The following KLF13 variants were observed in gnomAD, a reference collection of about 807,000 sequenced individuals.
The protein encoded by KLF13 is Krueppel-like factor 13.
A neutral mutation model predicts 16.7 loss-of-function variants in KLF13; 8 were observed. That is an observed-to-expected ratio of 0.48 (90% CI 0.28 to 0.87). The LOEUF is 0.87. Among genes scored for constraint, KLF13 ranks in the 40% least tolerant of loss-of-function variants. The pLI, the probability that KLF13 is intolerant of heterozygous loss-of-function variation, is 0.10. For missense variants in KLF13, 447 were observed against 452.2 expected (o/e 0.99, Z 0.10); for synonymous variants, 245 against 208.4 (o/e 1.18, Z -1.51).
chr15:31,391,850 C>T (rs2039875898), upstream of KLF13, among the ~76,000 whole-genome samples: 1 of 152,096 alleles, frequency 6.6e-6, no homozygotes, highest in East Asian at 1.9e-4. Context: ...GCTTCCCAGG[C>T]TCTAGTAAGT....
chr15:31,393,589 C>T (rs1304879352), exon 2 of KLF13: 1 of 152,410 alleles, frequency 6.6e-6, no homozygotes, highest in African/African-American at 2.4e-5. Flanking sequence ...TCAACCCCCG[C>T]TGTGCTCTGC....
Position 31,327,754 on chromosome 15 carries a change from C to G in KLF13, c.542C>G (p.Ser181Cys). The G allele has an allele frequency of 6.5e-7, 1 of 1,533,678 alleles. No individual in the cohort carries two copies. Among genetic ancestry groups the G allele is most frequent in the Non-Finnish European group, 8.8e-7 (1 of 1,135,844 alleles). Reference sequence around the variant, plus strand: ...GGCTGCGAGAAAGTTTACGGGAAATCTTCGCACCTCAAGGCGCACCTGAGA... The same window carrying G: ...GGCTGCGAGAAAGTTTACGGGAAATGTTCGCACCTCAAGGCGCACCTGAGA... ...YAGCEKVYGK[S>C]SHLKAHLRTH... Residue 181 changes from serine to cysteine, a missense_variant, in exon 1 of 2, where the codon TCT (serine) becomes TGT (cysteine). Ser to Cys is a moderately radical substitution (Grantham distance 112). Coordinates refer to ENST00000307145, the MANE Select transcript of KLF13 (RefSeq NM_015995.4).
intron 1 of KLF13, among the ~76,000 whole-genome samples, chr15:31,333,951 AT>A (rs2140932470): frequency 7.2e-6 from 1 of 138,710 alleles, no homozygotes; most frequent in South Asian, 2.3e-4. Flanking sequence ...CCATCGCCTC[AT>A]GGGGGGGGGA....
At chr15:31,389,040 T>G (rs2039829433), upstream of KLF13, among the ~76,000 whole-genome samples, 1 of 152,196 alleles carries the variant, frequency 6.6e-6, no homozygotes, top group African/African-American at 2.4e-5. Context: ...AACATGGGTT[T>G]GAACTGCGTG....
chr15:31,389,873 A>C (rs568208289), upstream of KLF13, among the ~76,000 whole-genome samples: 1 of 152,102 alleles, frequency 6.6e-6, no homozygotes, highest in Non-Finnish European at 1.5e-5. Flanking sequence ...AAAGTCATCA[A>C]CACCACCACC....
chr15:31,333,206 A>G (rs1447213317), intron 1 of KLF13, among the ~76,000 whole-genome samples: 2 of 152,190 alleles, frequency 1.3e-5, no homozygotes, highest in African/African-American at 2.4e-5. Flanking sequence ...TATTAATACT[A>G]AATTTCAAAT....
At chr15:31,387,990 G>T (rs2039812561), upstream of KLF13, among the ~76,000 whole-genome samples, 1 of 152,238 alleles carries the variant, frequency 6.6e-6, no homozygotes. Context: ...TTCAGCCGGA[G>T]AGGAGACAGG....
At position 31,327,648 on chromosome 15, in the gene KLF13, G is replaced by C; in HGVS notation, c.436G>C (p.Gly146Arg). Residue 146 changes from glycine (G) to arginine (R), a missense_variant, in exon 1 of 2, where the codon GGC (glycine) becomes CGC (arginine). This residue lies in a region of KLF13 where 359 missense variants were observed against 282.8 expected (regional missense o/e 1.27). Transcript: ENST00000307145. ...EPGPAGSGEPGLRQRVRRGRS... is the reference protein window; with the variant it reads ...EPGPAGSGEPRLRQRVRRGRS... Reference sequence around the variant, plus strand: ...GGGGCCCGCGGGGAGCGGCGAGCCCGGCCTCAGACAAAGGGTCCGGCGGGG... The same window carrying C: ...GGGGCCCGCGGGGAGCGGCGAGCCCCGCCTCAGACAAAGGGTCCGGCGGGG... 6.9e-7 allele frequency: 1 copy of C among 1,443,456 alleles called. No individual in the cohort carries two copies. Among genetic ancestry groups the C allele is most frequent in the South Asian group, 1.3e-5 (1 of 76,742 alleles). The allele number at this position is 1,443,456 out of a possible 1,614,324, so 89.4% of individuals were successfully genotyped here. A position where few individuals can be genotyped will look rare whatever the true frequency, so the allele number is the denominator to read the frequency against.
chr15:31,400,229 G>T (rs141032593), intron 2 of KLF13, among the ~76,000 whole-genome samples: 39 of 152,320 alleles, frequency 2.6e-4, no homozygotes, highest in Middle Eastern at 6.8e-3. Flanking sequence ...TCCACGGAGC[G>T]AGAGCGGTGA....
At chr15:31,355,645 AGGCACCCT>A (rs2039288299) in intron 1 of KLF13, among the ~76,000 whole-genome samples, 1 of 152,160 alleles carries the variant, frequency 6.6e-6, no homozygotes, top group Non-Finnish European at 1.5e-5. Flanking sequence ...GAGCGCCTGC[AGGCACCCT>A]TCTCCCACCC....
chr15:31,410,689 T>C (rs1199858546), intron 1 of KLF13, among the ~76,000 whole-genome samples: 38 of 151,544 alleles, frequency 2.5e-4, no homozygotes, highest in Admixed American at 2.5e-3. Context: ...GAGGACATAA[T>C]GTAATAATGA....
chr15:31,333,119 GC>G (rs2038861805), intron 1 of KLF13, among the ~76,000 whole-genome samples: 1 of 151,352 alleles, frequency 6.6e-6, no homozygotes, highest in Non-Finnish European at 1.5e-5. Flanking sequence ...TGCTCTAGGG[GC>G]CAGGCATCAT....
chr15:31,332,927 A>G (rs2038857468), intron 1 of KLF13, among the ~76,000 whole-genome samples: 1 of 152,200 alleles, frequency 6.6e-6, no homozygotes, highest in Admixed American at 6.5e-5. Flanking sequence ...CTCCGCAGCA[A>G]TCCCTGAGGT....
intron 1 of KLF13, among the ~76,000 whole-genome samples, chr15:31,334,052 C>T (rs951596960): frequency 6.6e-6 from 1 of 152,168 alleles, no homozygotes; most frequent in Non-Finnish European, 1.5e-5. Context: ...TGGTTGGTTT[C>T]TACTCCATCT....
At chr15:31,424,703 A>C (rs1284707544) in intron 1 of KLF13, among the ~76,000 whole-genome samples, 1 of 152,176 alleles carries the variant, frequency 6.6e-6, no homozygotes, top group African/African-American at 2.4e-5. Context: ...TTTATCTCTA[A>C]GGTTAGGGAC....
chr15:31,385,984 G>C (rs192415479), intron 1 of KLF13, among the ~76,000 whole-genome samples: 1 of 152,238 alleles, frequency 6.6e-6, no homozygotes, highest in Non-Finnish European at 1.5e-5. Flanking sequence ...TCCAGTGAAT[G>C]CATGAATGAT....
intron 1 of KLF13, among the ~76,000 whole-genome samples, chr15:31,340,865 T>C (rs994663260): frequency 8.5e-5 from 13 of 152,052 alleles, no homozygotes; most frequent in African/African-American, 3.1e-4. Context: ...GGAGATCCTA[T>C]CTTAAAAACA....
At chr15:31,424,153 A>G (rs891580760) in intron 1 of KLF13, among the ~76,000 whole-genome samples, 8 of 152,274 alleles carry the variant, frequency 5.3e-5, no homozygotes, top group East Asian at 1.9e-4. Flanking sequence ...GAATTCTACC[A>G]AACACTTAAA....
intron 1 of KLF13, among the ~76,000 whole-genome samples, chr15:31,424,875 T>TCACACACACACACACACACA (rs71110875): frequency 0.012 from 1,704 of 146,230 alleles, 45 homozygotes; most frequent in African/African-American, 0.041. Context: ...TCTAGAGATT[T>TCACACACACACACACACACA]CACACACACA....
Sources: gnomAD v4.1 joint callset for allele counts (sites outside exome capture counted in the v4.1 genomes callset) on GRCh38, gnomAD v4.1.1 for gene constraint, gnomAD v4.1.1 regional missense constraint, MANE v1.5 for transcripts, NCBI Gene and HGNC (gene_info 2026-07-23, HGNC 2026-07-21) for gene names.